Variants in C3orf49 observed in about 807,000 individuals in gnomAD.
C3orf49 encodes the protein chromosome 3 open reading frame 49, also known as putative uncharacterized protein C3orf49.
A neutral mutation model predicts 13.3 loss-of-function variants in C3orf49; 27 were observed. The ratio of observed to expected loss-of-function variants is 2.02; its 90% CI spans 1.49 to 2.79. The LOEUF is 2.79. C3orf49 is among the 30% of genes most tolerant of loss of function. The pLI is 0.00. For synonymous variants in C3orf49, 87 were observed against 47.6 expected, an observed-to-expected ratio of 1.83 and a Z score of -3.40; for missense variants, 242 against 134.2, an observed-to-expected ratio of 1.80 and a Z score of -3.97.
chr3:63,786,608 G>C, the C3orf49 span, among the ~76,000 whole-genome samples: 1 of 152,212 alleles, frequency 6.6e-6, no homozygotes, highest in South Asian at 2.1e-4. Flanking sequence ...GAATTTGTAT[G>C]TGTAGGCACA....
upstream of C3orf49, among the ~76,000 whole-genome samples, chr3:63,816,922 G>A (rs928323683): frequency 1.3e-5 from 2 of 151,550 alleles, no homozygotes; most frequent in Non-Finnish European, 2.9e-5. Flanking sequence ...ACAGGCACCC[G>A]TTACCACGCC....
At chr3:63,800,965 TCTGATA>T in the C3orf49 span, among the ~76,000 whole-genome samples, 4 of 152,116 alleles carry the variant, frequency 2.6e-5, no homozygotes, top group Non-Finnish European at 5.9e-5. Flanking sequence ...GACCTGCTCA[TCTGATA>T]AGCAAATGCT....
the C3orf49 span, among the ~76,000 whole-genome samples, chr3:63,810,165 C>CA: frequency 6.6e-6 from 1 of 151,792 alleles, no homozygotes; most frequent in African/African-American, 2.4e-5. Context: ...AAAGTCATGG[C>CA]AAAAACCGCA....
intron 5 of C3orf49, chr3:63,838,546 C>T (rs377497158): frequency 5.3e-5 from 82 of 1,541,628 alleles, no homozygotes; most frequent in Non-Finnish European, 7.0e-5. Flanking sequence ...TGTGGACTGA[C>T]AAAAGTGAAC....
At chr3:63,818,829 A>G (rs569033820), upstream of C3orf49, among the ~76,000 whole-genome samples, 2 of 152,336 alleles carry the variant, frequency 1.3e-5, no homozygotes, top group South Asian at 4.1e-4. Context: ...TCCTCAATTT[A>G]GCAATGTACT....
At chr3:63,790,771 T>C in the C3orf49 span, among the ~76,000 whole-genome samples, 3 of 152,184 alleles carry the variant, frequency 2.0e-5, no homozygotes, top group Non-Finnish European at 4.4e-5. Context: ...GTGGCCTTTG[T>C]TTTTGATATG....
chr3:63,844,557 C>G (rs1701845446), intron 5 of C3orf49, among the ~76,000 whole-genome samples: 2 of 152,104 alleles, frequency 1.3e-5, no homozygotes, highest in South Asian at 4.1e-4. Context: ...CAGGGGGAAC[C>G]TTGAAGAGGT....
Position 63,827,716 on chromosome 3 carries a change from A to G in C3orf49, c.561A>G (p.Gly187=), listed in dbSNP as rs1252857799. The G allele has an allele frequency of 1.0e-5, 7 of 702,546 alleles. No homozygotes were observed. The highest frequency in any genetic ancestry group is 8.9e-5 in the South Asian group (6 of 67,576). The allele number at this position is 702,546 out of a possible 1,614,324, so 43.5% of individuals were successfully genotyped here. Reference sequence around the variant, plus strand: ...TATCTGTGACATCTCTTCCTTCAGGACTGCAAAAGGTAAAACGCTAAATGA... The same window carrying G: ...TATCTGTGACATCTCTTCCTTCAGGGCTGCAAAAGGTAAAACGCTAAATGA... The part of the protein sequence containing the change: ...KRLSVTSLPS[G]LQKGPYSPKK... The change falls in exon 3 of 7, where the codon GGA becomes GGG. Residue 187 remains glycine (G), a synonymous_variant. Coordinates refer to ENST00000295896, the MANE Select transcript of C3orf49 (RefSeq NM_001355236.2).
At chr3:63,842,583 T>A (rs1395336337) in intron 5 of C3orf49, among the ~76,000 whole-genome samples, 1 of 152,104 alleles carries the variant, frequency 6.6e-6, no homozygotes, top group Non-Finnish European at 1.5e-5. Context: ...TTATTCTAAG[T>A]GAAGTAACTC....
chr3:63,785,062 C>CT, the C3orf49 span, among the ~76,000 whole-genome samples: 3 of 96,172 alleles, frequency 3.1e-5, no homozygotes, highest in Non-Finnish European at 4.1e-5. Context: ...TTCTCTTCTT[C>CT]TTCTTTTTTT....
chr3:63,808,442 G>A, the C3orf49 span, among the ~76,000 whole-genome samples: 3 of 152,124 alleles, frequency 2.0e-5, no homozygotes, highest in African/African-American at 7.2e-5. Context: ...GTCATTATAT[G>A]TCCTACTGTG....
intron 5 of C3orf49, chr3:63,834,275 G>T: frequency 7.0e-7 from 1 of 1,423,146 alleles, no homozygotes; most frequent in Non-Finnish European, 9.8e-7. Flanking sequence ...ATGAAAACAT[G>T]TTTATCCTTT....
the C3orf49 span, among the ~76,000 whole-genome samples, chr3:63,807,382 A>G: frequency 2.6e-5 from 4 of 151,896 alleles, no homozygotes; most frequent in East Asian, 7.7e-4. Flanking sequence ...TCTCTCTTCC[A>G]TTTTCCACAT....
chr3:63,837,742 G>C (rs891271366), intron 5 of C3orf49, among the ~76,000 whole-genome samples: 8 of 151,834 alleles, frequency 5.3e-5, no homozygotes, highest in African/African-American at 1.9e-4. Context: ...AAAAAAAAGA[G>C]AAAAACAGAA....
At chr3:63,813,408 A>G in the C3orf49 span, among the ~76,000 whole-genome samples, 1 of 152,208 alleles carries the variant, frequency 6.6e-6, no homozygotes, top group Non-Finnish European at 1.5e-5. Flanking sequence ...AGTGGGGTAC[A>G]GCCCAGAGCA....
rs1024420958 is a variant in C3orf49 at position 63,831,766 on chromosome 3, G to T, written c.771G>T (p.Leu257=). 3 of 703,058 alleles carry T rather than the reference G, an allele frequency of 4.3e-6. No individual in the cohort carries two copies. The South Asian group carries it at 4.4e-5, about 10-fold the overall frequency. The allele number at this position is 703,058 out of a possible 1,614,324, so 43.6% of individuals were successfully genotyped here. A position where few individuals can be genotyped will look rare whatever the true frequency, so the allele number is the denominator to read the frequency against. ...CTGAGCTTCAACAGTGTGAGTTTCT[G>T]GGGGATGAAATTCTTCAGTCTTCTA... ...RHAELQQCEF[L]GDEILQSSKQ... The change falls in exon 5 of 7, where the codon CTG becomes CTT. Residue 257 remains leucine (L), a synonymous_variant. Transcript: ENST00000295896.
upstream of C3orf49, among the ~76,000 whole-genome samples, chr3:63,816,747 C>T (rs192378520): frequency 4.8e-5 from 7 of 145,868 alleles, no homozygotes; most frequent in South Asian, 2.2e-4. Context: ...CCCTAGCTTT[C>T]TTCCACATTT....
At chr3:63,779,754 T>C in the C3orf49 span, 1 of 152,036 alleles carries the variant, frequency 6.6e-6, no homozygotes, top group Non-Finnish European at 1.5e-5. Context: ...GTGGAGGAAA[T>C]ATAAAGATCA....
intron 3 of C3orf49, among the ~76,000 whole-genome samples, chr3:63,829,030 C>A (rs1575798032): frequency 6.6e-6 from 1 of 152,312 alleles, no homozygotes; most frequent in Non-Finnish European, 1.5e-5. Flanking sequence ...ACAATCGCAC[C>A]TAGTTAGTGG....
Sources: allele counts gnomAD v4.1 joint callset (sites outside exome capture counted in the v4.1 genomes callset), GRCh38; gene constraint gnomAD v4.1.1; transcripts MANE v1.5; gene names NCBI Gene and HGNC (gene_info 2026-07-23, HGNC 2026-07-21).